Variants in ZNF208 observed in about 807,000 individuals in gnomAD.
ZNF208 encodes zinc finger protein 208, also known as zinc finger protein 95.
A neutral mutation model predicts 12.1 loss-of-function variants in ZNF208; 10 were observed. The observed-to-expected ratio is 0.83, with a 90% CI of 0.51 to 1.40. ZNF208 has a LOEUF of 1.40. ZNF208 is among the 40% of genes most tolerant of loss of function. The pLI, the probability that ZNF208 is intolerant of heterozygous loss-of-function variation, is 0.00. For missense variants in ZNF208, 1,652 were observed against 1,485.0 expected (o/e 1.11, Z -1.85); for synonymous variants, 497 against 488.4 (o/e 1.02, Z -0.23).
intron 1 of ZNF208, among the ~76,000 whole-genome samples, chr19:22,010,332 G>A (rs944882722): frequency 2.0e-5 from 3 of 152,176 alleles, no homozygotes; most frequent in Admixed American, 6.5e-5. Flanking sequence ...CCATAGCTGG[G>A]TGCTCTACAA....
downstream of ZNF208, among the ~76,000 whole-genome samples, chr19:21,961,300 G>A (rs1189578112): frequency 6.6e-6 from 1 of 152,152 alleles, no homozygotes; most frequent in Non-Finnish European, 1.5e-5. Context: ...GACTTCAAAA[G>A]GGGAGGGGGT....
At chr19:21,990,298 A>C (rs1407083394) in intron 1 of ZNF208, among the ~76,000 whole-genome samples, 3 of 152,196 alleles carry the variant, frequency 2.0e-5, no homozygotes, top group Admixed American at 2.0e-4. Context: ...AGCTTTCTAC[A>C]TATGGCTAGC....
At chr19:22,009,671 TGGGA>T (rs1022126140) in intron 1 of ZNF208, 1 of 146,138 alleles carries the variant, frequency 6.8e-6, no homozygotes, top group African/African-American at 2.6e-5. Flanking sequence ...CATTTGAACC[TGGGA>T]GGCGGAGATT....
chr19:21,972,987 G>C lies in ZNF208; in HGVS notation c.2047C>G (p.His683Asp). ...TTCTCTCCAGTATGAATTACCTTAT[G>C]TTTAGTAAGGATTGAGAACTTACTA... ...AFSKFSILTK[H>D]KVIHTGEKPY... The change falls in exon 4 of 4, where the codon CAT becomes GAT. Residue 683 changes from histidine to aspartate, a missense_variant. Around this residue, in one of 3 missense-constraint regions of ZNF208, gnomAD observed 1,239 missense variants for 1,086.2 expected, o/e 1.14. Transcript: ENST00000397126. 6.2e-7 allele frequency: 1 copy of C among 1,613,642 alleles called. No homozygotes were observed.
Position 22,010,915 on chromosome 19 carries a change from T to C in ZNF208, c.-121A>G. ...ACACACAGCAGTAAGGACGAGACCT[T>C]GACCTCCGGCTGCAGCGAGAGACAA... On this transcript the variant is annotated 5_prime_UTR_variant, in exon 1 of 4. Transcript: ENST00000397126. The C allele has an allele frequency of 1.4e-6, 2 of 1,442,150 alleles. No individual in the cohort carries two copies. The highest frequency in any genetic ancestry group is 2.8e-5 in the African/African-American group (2 of 71,446). The allele number at this position is 1,442,150 out of a possible 1,614,324, so 89.3% of individuals were successfully genotyped here.
intron 1 of ZNF208, among the ~76,000 whole-genome samples, chr19:21,990,095 C>T: frequency 6.6e-6 from 1 of 152,008 alleles, no homozygotes; most frequent in Admixed American, 6.6e-5. Context: ...CAATTAGATC[C>T]CATTTGTCAA....
chr19:22,003,151 A>AT (rs1970983776), intron 1 of ZNF208, among the ~76,000 whole-genome samples: 1 of 152,008 alleles, frequency 6.6e-6, no homozygotes, highest in Non-Finnish European at 1.5e-5. Context: ...TATGTAGTAG[A>AT]TTTTTTATAA....
chr19:21,987,081 A>T, intron 3 of ZNF208, 135 bp downstream of exon 3: 1 of 874,320 alleles, frequency 1.1e-6, no homozygotes, highest in Non-Finnish European at 1.7e-6. Flanking sequence ...AGAGAAAATT[A>T]AAGAATAAAA....
downstream of ZNF208, chr19:21,965,857 T>G (rs1419364598): frequency 6.6e-6 from 1 of 151,974 alleles, no homozygotes; most frequent in Admixed American, 6.6e-5. Flanking sequence ...AGTAACAAAT[T>G]AAGTCTATAG....
At position 21,970,286 on chromosome 19, in the gene ZNF208, T is replaced by A. The variant is rs1970254835; in HGVS notation, c.*905A>T. On this transcript the variant is annotated 3_prime_UTR_variant, in exon 4 of 4. Transcript: ENST00000397126. ...ACACATGCATGGTTTCTCTCCAGTA[T>A]GAGTTGTCTTATATGTAGTAAGCCT... Among the ~76,000 whole-genome samples, 4 of 152,168 alleles carry A rather than the reference T, an allele frequency of 2.6e-5. No homozygotes were observed. The highest frequency in any genetic ancestry group is 2.6e-4 in the Admixed American group (4 of 15,262).
rs766715279 is a variant in ZNF208 at position 21,972,419 on chromosome 19, C to T, written c.2615G>A (p.Trp872Ter). 1 of 1,610,446 alleles carries T rather than the reference C, an allele frequency of 6.2e-7. No individual in the cohort carries two copies. The highest frequency in any genetic ancestry group is 8.5e-7 in the Non-Finnish European group (1 of 1,178,780). The change falls in exon 4 of 4, where the codon TGG becomes TAG. Residue 872 changes from tryptophan (W) to a stop codon, truncating the protein, a stop_gained. Transcript: ENST00000397126. LOFTEE classifies it low-confidence loss of function (END_TRUNC). ...KCEECGKAYK[W>*]PSTLSYHKKI... ...CTTATGATAACTAAGGGTTGAGGGCCATTTATAGGCTTTGCCACATTCTTC... is the reference window on the plus strand; with the variant it reads ...CTTATGATAACTAAGGGTTGAGGGCTATTTATAGGCTTTGCCACATTCTTC...
At chr19:21,945,927 C>T (rs1438355652) in intron 4 of ZNF208, among the ~76,000 whole-genome samples, 1 of 151,512 alleles carries the variant, frequency 6.6e-6, no homozygotes, top group Admixed American at 6.6e-5. Flanking sequence ...GCTCCAGACA[C>T]TGTTAAGGGA....
chr19:21,960,779 C>T (rs1185621790), intron 4 of ZNF208, among the ~76,000 whole-genome samples: 2 of 152,220 alleles, frequency 1.3e-5, no homozygotes, highest in Admixed American at 1.3e-4. Context: ...CCTGAAGCCT[C>T]TGCAGCTGTG....
At chr19:21,989,223 G>T (rs1298829296) in intron 1 of ZNF208, among the ~76,000 whole-genome samples, 1 of 144,356 alleles carries the variant, frequency 6.9e-6, no homozygotes, top group East Asian at 2.1e-4. Flanking sequence ...ATCTCCTAAT[G>T]CTATCCCTCC....
At position 21,981,394 on chromosome 19, in the gene ZNF208, G is replaced by C. The variant is rs185875448; in HGVS notation, c.226+5822C>G. Among the ~76,000 whole-genome samples, 316 of 151,778 alleles carry C rather than the reference G, an allele frequency of 2.1e-3. 2 individuals carry two copies. The highest frequency in any genetic ancestry group is 3.4e-3 in the Middle Eastern group (1 of 292). ...GTCAGGTTCATCTGTGGGATGCAAG[G>C]CTGGTTCAACATACACAAATCAATA... On this transcript the variant is annotated intron_variant, in intron 3 of 3. Coordinates refer to ENST00000397126, the MANE Select transcript of ZNF208 (RefSeq NM_007153.3).
At chr19:21,981,960 G>A (rs1373032487) in intron 3 of ZNF208, among the ~76,000 whole-genome samples, 1 of 152,024 alleles carries the variant, frequency 6.6e-6, no homozygotes, top group Admixed American at 6.6e-5. Flanking sequence ...GCTACAAAGA[G>A]AATAAAATAC....
chr19:21,979,990 A>G (rs1335433488), intron 3 of ZNF208, among the ~76,000 whole-genome samples: 2 of 152,216 alleles, frequency 1.3e-5, no homozygotes, highest in East Asian at 1.9e-4. Flanking sequence ...TGGTCATTAC[A>G]TAATGGTAAA....
At chr19:21,963,203 C>T (rs1970107607), downstream of ZNF208, among the ~76,000 whole-genome samples, 1 of 151,974 alleles carries the variant, frequency 6.6e-6, no homozygotes, top group African/African-American at 2.4e-5. Flanking sequence ...GCCTGAAGTA[C>T]TGGTTTTCTA....
chr19:21,987,131 A>G, intron 3 of ZNF208, 85 bp downstream of exon 3: 2 of 1,388,010 alleles, frequency 1.4e-6, no homozygotes, highest in Middle Eastern at 3.7e-4. Flanking sequence ...CTTTTGGAAC[A>G]CAGCTTCCAG....
Sources: allele counts gnomAD v4.1 joint callset (sites outside exome capture counted in the v4.1 genomes callset), GRCh38; gene constraint gnomAD v4.1.1; regional missense constraint gnomAD v4.1.1; transcripts MANE v1.5; gene names NCBI Gene and HGNC (gene_info 2026-07-23, HGNC 2026-07-21).